Variants in TCF12 observed in about 807,000 individuals in gnomAD.
TCF12 encodes the protein DNA-binding protein HTF4.
Under a neutral mutation model 86.0 loss-of-function variants are expected in TCF12, and 45 were observed. That is an observed-to-expected ratio of 0.52 (90% CI 0.41 to 0.67). The LOEUF (loss-of-function observed/expected upper bound fraction) is 0.67, where lower values mean the gene tolerates loss of function less well. Among genes scored for constraint, TCF12 ranks in the 30% least tolerant of loss-of-function variants. TCF12 has a pLI of 0.00. For synonymous variants in TCF12, 330 were observed against 299.6 expected (o/e 1.10, Z -1.05); for missense variants, 881 against 859.9 (o/e 1.02, Z -0.31).
chr15:57,148,404 C>G (rs1235385958), intron 5 of TCF12, among the ~76,000 whole-genome samples: 4 of 95,346 alleles, frequency 4.2e-5, no homozygotes, highest in African/African-American at 1.2e-4. Flanking sequence ...CAGAGGAAGA[C>G]TTTGTTTAAA....
chr15:57,215,259 A>G (rs1485093729), intron 8 of TCF12, among the ~76,000 whole-genome samples: 1 of 152,156 alleles, frequency 6.6e-6, no homozygotes, highest in African/African-American at 2.4e-5. Context: ...GACAGCATTC[A>G]CTCACATGTC....
At chr15:56,922,092 T>C (rs1364018496) in intron 3 of TCF12, among the ~76,000 whole-genome samples, 6 of 151,890 alleles carry the variant, frequency 4.0e-5, no homozygotes, top group African/African-American at 1.4e-4. Flanking sequence ...CTCACCTCCT[T>C]CCTTTTACTG....
In TCF12 at chr15:57,263,116, C is replaced by T. The variant is rs1417250455; in HGVS notation, c.1587C>T (p.Gly529=). 3.1e-6 allele frequency: 5 copies of T among 1,594,472 alleles called. No homozygotes were observed. The highest frequency in any genetic ancestry group is 1.7e-4 in the Middle Eastern group (1 of 5,984). ...TTTCCTTTGCCTCTTTGTTAGGTGG[C>T]TTGCAAAGTCAGTCTGGAACTGTTG... ...NHKTQENYRG[G]LQSQSGTVVT... The change falls in exon 18 of 21, where the codon GGC becomes GGT. Residue 529 remains glycine, a synonymous_variant. Coordinates refer to ENST00000333725, the MANE Select transcript of TCF12 (RefSeq NM_207037.2).
chr15:57,214,300 A>G (rs1485193528), intron 8 of TCF12: 1 of 152,154 alleles, frequency 6.6e-6, no homozygotes, highest in Non-Finnish European at 1.5e-5. Context: ...TGCCTTTTAG[A>G]AGCTTTGTAT....
At chr15:57,007,818 CTTTT>C (rs1491058423) in intron 3 of TCF12, among the ~76,000 whole-genome samples, 5 of 128,998 alleles carry the variant, frequency 3.9e-5, no homozygotes, top group Non-Finnish European at 6.6e-5. Flanking sequence ...TTCTTTCTTT[CTTTT>C]TCTTTCTTTC....
intron 4 of TCF12, among the ~76,000 whole-genome samples, chr15:57,065,061 G>C (rs923234455): frequency 3.9e-5 from 6 of 152,122 alleles, no homozygotes; most frequent in African/African-American, 1.4e-4. Context: ...GGGTTTTACT[G>C]TTATATCTGG....
chr15:57,100,454 G>T (rs1434484799), intron 5 of TCF12, among the ~76,000 whole-genome samples: 1 of 147,376 alleles, frequency 6.8e-6, no homozygotes, highest in African/African-American at 2.5e-5. Context: ...GTAGAGATGA[G>T]GTCTTGCTGT....
At chr15:57,291,287 A>G (rs182960685), downstream of TCF12, among the ~76,000 whole-genome samples, 13 of 152,200 alleles carry the variant, frequency 8.5e-5, no homozygotes, top group African/African-American at 3.1e-4. Context: ...ACTGAATACA[A>G]TGTAAATCCT....
At chr15:56,934,993 A>G (rs1369824958) in intron 3 of TCF12, among the ~76,000 whole-genome samples, 1 of 152,218 alleles carries the variant, frequency 6.6e-6, no homozygotes, top group Non-Finnish European at 1.5e-5. Flanking sequence ...GCTTTCTTGA[A>G]GATCTATCTT....
chr15:57,261,965 C>T, intron 16 of TCF12, 129 bp from the exon 17 acceptor site: 2 of 542,016 alleles, frequency 3.7e-6, no homozygotes. Context: ...ATAATGGCAT[C>T]CAGAAAAAGT....
intron 3 of TCF12, among the ~76,000 whole-genome samples, chr15:57,032,248 G>T (rs2066243200): frequency 6.6e-6 from 1 of 152,112 alleles, no homozygotes; most frequent in African/African-American, 2.4e-5. Context: ...CCATTGGATG[G>T]CACACCCACA....
intron 3 of TCF12, among the ~76,000 whole-genome samples, chr15:57,043,872 AATT>A (rs879738556): frequency 7.2e-5 from 11 of 152,152 alleles, no homozygotes; most frequent in Non-Finnish European, 1.3e-4. Flanking sequence ...TTGCAAATGA[AATT>A]ATTATTAGTT....
At chr15:57,263,017 G>A in intron 17 of TCF12, 95 bp from the exon 18 acceptor site, 3 of 1,315,544 alleles carry the variant, frequency 2.3e-6, no homozygotes, top group Non-Finnish European at 3.1e-6. Flanking sequence ...TAACTGCTAA[G>A]GATATTCACC....
At chr15:57,106,559 G>A (rs182606668) in intron 5 of TCF12, among the ~76,000 whole-genome samples, 1 of 152,150 alleles carries the variant, frequency 6.6e-6, no homozygotes, top group Non-Finnish European at 1.5e-5. Flanking sequence ...CACTGCATAC[G>A]CTTTTGTATT....
intron 3 of TCF12, among the ~76,000 whole-genome samples, chr15:56,964,516 G>T (rs1481056523): frequency 6.6e-6 from 1 of 152,030 alleles, no homozygotes; most frequent in African/African-American, 2.4e-5. Context: ...CTCCTGCCTG[G>T]CATGTCTTTT....
chr15:56,965,788 G>C (rs1381208146), intron 3 of TCF12, among the ~76,000 whole-genome samples: 1 of 151,970 alleles, frequency 6.6e-6, no homozygotes, highest in Admixed American at 6.6e-5. Context: ...CAAGTCGAGT[G>C]AAAAAAACTC....
intron 6 of TCF12, among the ~76,000 whole-genome samples, chr15:57,191,663 C>T (rs1370250661): frequency 6.6e-6 from 1 of 152,076 alleles, no homozygotes; most frequent in Non-Finnish European, 1.5e-5. Flanking sequence ...TGTGGCTGGG[C>T]GCAGTGGCTT....
chr15:56,982,220 G>C (rs555570906), intron 3 of TCF12, among the ~76,000 whole-genome samples: 2 of 152,226 alleles, frequency 1.3e-5, no homozygotes, highest in Admixed American at 6.5e-5. Context: ...TTTTAAAAAA[G>C]AATAAAGTAG....
chr15:57,195,631 G>T (rs773626618), intron 7 of TCF12, among the ~76,000 whole-genome samples: 1 of 152,180 alleles, frequency 6.6e-6, no homozygotes, highest in Non-Finnish European at 1.5e-5. Flanking sequence ...TTCTTCATAT[G>T]CTACATATAA....
Sources: allele counts gnomAD v4.1 joint callset (sites outside exome capture counted in the v4.1 genomes callset), GRCh38; gene constraint gnomAD v4.1.1; transcripts MANE v1.5; gene names NCBI Gene and HGNC (gene_info 2026-07-23, HGNC 2026-07-21).